The following CREB3L1 variants were observed in gnomAD, a reference collection of about 807,000 sequenced individuals.
The protein encoded by CREB3L1 is cyclic AMP-responsive element-binding protein 3-like protein 1.
Under a neutral mutation model 54.5 loss-of-function variants are expected in CREB3L1, and 33 were observed. That is an observed-to-expected ratio of 0.61 (90% CI 0.46 to 0.81). The LOEUF is 0.81. Among genes scored for constraint, CREB3L1 ranks in the 30% least tolerant of loss-of-function variants. The pLI is 0.00. For missense variants in CREB3L1, 656 were observed against 673.3 expected, an observed-to-expected ratio of 0.97 and a Z score of 0.29; for synonymous variants, 284 against 286.4, an observed-to-expected ratio of 0.99 and a Z score of 0.08.
At chr11:46,313,972 T>TA (rs1939530242) in intron 8 of CREB3L1, among the ~76,000 whole-genome samples, 1 of 152,032 alleles carries the variant, frequency 6.6e-6, no homozygotes, top group South Asian at 2.1e-4. Context: ...CACAGTGGCT[T>TA]ACGCCTGTAA....
At chr11:46,285,050 G>A (rs1939036388) in intron 1 of CREB3L1, among the ~76,000 whole-genome samples, 1 of 152,178 alleles carries the variant, frequency 6.6e-6, no homozygotes, top group South Asian at 2.1e-4. Flanking sequence ...TTTGCTCTCT[G>A]CAGCTCCCAG....
Position 46,295,591 on chromosome 11 carries a change from G to A in CREB3L1, c.103-4344G>A, listed in dbSNP as rs891712581. On this transcript the variant is annotated intron_variant, in intron 1 of 11. Transcript: ENST00000621158. The surrounding 1 kb of genome is among the most constrained non-coding windows in gnomAD (Gnocchi z 4.6). ...GCCGCGGGCCGTCGGCGCAGGCCGG[G>A]ACCCTCCTCCGCGCGAGCCCTGCAC... Among the ~76,000 whole-genome samples, 2 of 152,196 alleles carry A rather than the reference G, an allele frequency of 1.3e-5. No homozygotes were observed. The highest frequency in any genetic ancestry group is 4.8e-5 in the African/African-American group (2 of 41,456).
intron 8 of CREB3L1, chr11:46,315,080 G>A: frequency 5.1e-6 from 1 of 194,746 alleles, no homozygotes; most frequent in Non-Finnish European, 1.1e-5. Flanking sequence ...ATTATTTGCT[G>A]GGATTAATTA....
chr11:46,294,387 G>A (rs138394822), intron 1 of CREB3L1, among the ~76,000 whole-genome samples: 144 of 152,232 alleles, frequency 9.5e-4, no homozygotes, highest in African/African-American at 3.4e-3. Context: ...AAAGGCCAGG[G>A]CAGAGGAAAA....
At chr11:46,290,499 C>A (rs1758845462) in intron 1 of CREB3L1, among the ~76,000 whole-genome samples, 1 of 151,974 alleles carries the variant, frequency 6.6e-6, no homozygotes, top group African/African-American at 2.4e-5. Flanking sequence ...CCCTTTCTCT[C>A]CAGGGCTGCA....
Position 46,320,534 on chromosome 11 carries a change from G to T in CREB3L1, c.1523+6G>T. The T allele has an allele frequency of 1.3e-6, 2 of 1,504,466 alleles. No homozygotes were observed. The highest frequency in any genetic ancestry group is 1.8e-6 in the Non-Finnish European group (2 of 1,112,084). 93.2% of individuals were successfully genotyped at this position (1,504,466 alleles called of 1,614,324 possible). A position where few individuals can be genotyped will look rare whatever the true frequency, so the allele number is the denominator to read the frequency against. ...AAGGAGTGGTTCCACGACAGGTGGG[G>T]TGTGTGGCCCCTTTCCCTCCTGAGG... On this transcript the variant is annotated splice_donor_region_variant and intron_variant, in intron 11 of 11. Coordinates refer to ENST00000621158, the MANE Select transcript of CREB3L1 (RefSeq NM_052854.4).
chr11:46,281,390 T>C (rs1938970704), intron 1 of CREB3L1, among the ~76,000 whole-genome samples: 2 of 152,182 alleles, frequency 1.3e-5, no homozygotes, highest in Non-Finnish European at 2.9e-5. Context: ...CTCCTTCCTC[T>C]GGCTAAGGGG....
At position 46,307,897 on chromosome 11, in the gene CREB3L1, T is replaced by C; in HGVS notation, c.413T>C (p.Val138Ala). The C allele has an allele frequency of 6.3e-7, 1 of 1,580,022 alleles. No homozygotes were observed. Among genetic ancestry groups the C allele is most frequent in the Non-Finnish European group, 8.6e-7 (1 of 1,163,702 alleles). ...VKQEQSPELP[V>A]DPLAAPSAMA... The stretch of plus-strand genomic sequence containing the variant: ...CAGGAGCAGAGCCCGGAGCTGCCCG[T>C]GGACCCTCTGGCTGCCCCCTCGGCC... Residue 138 changes from valine (V) to alanine (A), a missense_variant, in exon 3 of 12, where the codon GTG becomes GCG. This residue lies in a region of CREB3L1 where 339 missense variants were observed against 331.5 expected (regional missense o/e 1.02). Transcript: ENST00000621158.
At chr11:46,312,826 G>A (rs1939511872) in intron 7 of CREB3L1, 25 bp from the exon 8 acceptor site, 3 of 1,577,712 alleles carry the variant, frequency 1.9e-6, no homozygotes, top group African/African-American at 2.7e-5. Context: ...CTGCCCCTGA[G>A]CCTGTGCCTG....
At chr11:46,316,725 C>T (rs946853242) in intron 9 of CREB3L1, among the ~76,000 whole-genome samples, 6 of 152,112 alleles carry the variant, frequency 3.9e-5, no homozygotes, top group Non-Finnish European at 7.4e-5. Flanking sequence ...CAGGGAAGAA[C>T]GGACATGGTT....
chr11:46,312,385 G>A lies in CREB3L1; in HGVS notation c.814G>A (p.Ala272Thr), dbSNP rs1566191382. Residue 272 changes from alanine to threonine, a missense_variant, in exon 6 of 12, where the codon GCT (alanine) becomes ACT (threonine). Physicochemically the swap from Ala to Thr is moderately conservative, Grantham distance 58 (BLOSUM62 0). This residue lies in a region of CREB3L1 where 77 missense variants were observed against 122.0 expected (regional missense o/e 0.63). Coordinates refer to ENST00000621158, the MANE Select transcript of CREB3L1 (RefSeq NM_052854.4). ...AGAGGAGGAGAAGCGGACCCTGATT[G>A]CTGAGGGCTACCCCATCCCCACAAA... ...LTEEEKRTLI[A>T]EGYPIPTKLP... 2 of 1,613,494 alleles carry A rather than the reference G, an allele frequency of 1.2e-6. No homozygotes were observed. The highest frequency in any genetic ancestry group is 1.7e-6 in the Non-Finnish European group (2 of 1,179,744).
chr11:46,303,932 G>A (rs1408753112), intron 2 of CREB3L1, among the ~76,000 whole-genome samples: 5 of 152,126 alleles, frequency 3.3e-5, no homozygotes, highest in South Asian at 4.1e-4. Context: ...CTTAAGCCCC[G>A]GAGGTCGAGG....
intron 1 of CREB3L1, among the ~76,000 whole-genome samples, chr11:46,298,875 G>A (rs373359486): frequency 5.9e-5 from 9 of 152,132 alleles, no homozygotes; most frequent in South Asian, 2.1e-4. Flanking sequence ...AGGCCTGTAC[G>A]TGGATTAACT....
At chr11:46,310,200 A>T in intron 4 of CREB3L1, 133 bp downstream of exon 4, 1 of 662,526 alleles carries the variant, frequency 1.5e-6, no homozygotes. Context: ...ACCCTGCCCT[A>T]CCCACTGTCC....
intron 2 of CREB3L1, among the ~76,000 whole-genome samples, chr11:46,303,231 G>T (rs926866218): frequency 1.1e-4 from 16 of 152,244 alleles, no homozygotes; most frequent in Admixed American, 3.3e-4. Context: ...AACCTCTCTA[G>T]GCCTCTGTTT....
chr11:46,291,564 T>C (rs1050465656), intron 1 of CREB3L1, among the ~76,000 whole-genome samples: 6 of 152,228 alleles, frequency 3.9e-5, no homozygotes, highest in Non-Finnish European at 8.8e-5. Context: ...GGGGTGGACC[T>C]AATGATGCCA....
chr11:46,286,613 C>T (rs903337145), intron 1 of CREB3L1, among the ~76,000 whole-genome samples: 4 of 151,996 alleles, frequency 2.6e-5, no homozygotes, highest in East Asian at 1.9e-4. Flanking sequence ...GGTGAAACCC[C>T]GTCTCTACTA....
At chr11:46,289,416 G>T (rs763628462) in intron 1 of CREB3L1, among the ~76,000 whole-genome samples, 15 of 152,138 alleles carry the variant, frequency 9.9e-5, no homozygotes, top group South Asian at 2.1e-4. Flanking sequence ...TGATCTACCC[G>T]AAAGAAGGGT....
chr11:46,287,991 C>T lies in CREB3L1; in HGVS notation c.102+9778C>T, dbSNP rs565891980. ...ATTCTGTCTCAAAAAAAAAAAATCA[C>T]GTCATGGAGAATGGGGTATCCATCC... On this transcript the variant is annotated intron_variant, in intron 1 of 11. Coordinates refer to ENST00000621158, the MANE Select transcript of CREB3L1 (RefSeq NM_052854.4). 1.1e-4 allele frequency among the ~76,000 whole-genome samples: 16 copies of T among 152,078 alleles called. No individual in the cohort carries two copies. The South Asian group carries it at 1.5e-3, about 14-fold the overall frequency.
Sources: allele counts gnomAD v4.1 joint callset (sites outside exome capture counted in the v4.1 genomes callset), GRCh38; gene constraint gnomAD v4.1.1; regional missense constraint gnomAD v4.1.1; non-coding constraint Gnocchi (gnomAD v3.1); transcripts MANE v1.5; gene names NCBI Gene and HGNC (gene_info 2026-07-23, HGNC 2026-07-21).